Variants in PTPRD observed in about 807,000 individuals in gnomAD.
PTPRD encodes protein tyrosine phosphatase receptor type D, also known as receptor-type tyrosine-protein phosphatase delta.
PTPRD carries 34 observed loss-of-function variants against 214.5 expected under a neutral mutation model. The ratio of observed to expected loss-of-function variants is 0.16; its 90% CI spans 0.12 to 0.21. The LOEUF is 0.21. Among genes scored for constraint, PTPRD ranks in the 10% least tolerant of loss-of-function variants. The pLI is 1.00. For synonymous variants in PTPRD, 1,128 were observed against 845.7 expected, an observed-to-expected ratio of 1.33 and a Z score of -5.79; for missense variants, 2,545 against 2,398.7, an observed-to-expected ratio of 1.06 and a Z score of -1.27.
chr9:9,670,006 G>T (rs751688152), intron 7 of PTPRD, among the ~76,000 whole-genome samples: 2 of 152,010 alleles, frequency 1.3e-5, no homozygotes, highest in Non-Finnish European at 2.9e-5. Context: ...CATTTTATCA[G>T]ATACAATGAG....
At chr9:9,028,829 G>T (rs762979227) in intron 10 of PTPRD, among the ~76,000 whole-genome samples, 1 of 151,882 alleles carries the variant, frequency 6.6e-6, no homozygotes, top group African/African-American at 2.4e-5. Context: ...GTTTGCCCAG[G>T]CGAGTTAGAA....
chr9:10,156,078 TTGTGTGTGTG>T lies in PTPRD; in HGVS notation c.-544-122298_-544-122289del, dbSNP rs71485323. The stretch of plus-strand genomic sequence containing the variant: ...ATGGATTTTTTGCTCTTTTGAATGT[TTGTGTGTGTG>T]TGTGTGTGTGTGTGTGTGTGTGTGT... On this transcript the variant is annotated intron_variant, in intron 3 of 45. Transcript: ENST00000381196. 4.3e-3 allele frequency among the ~76,000 whole-genome samples: 573 copies of T among 132,618 alleles called. 2 individuals are homozygous for T. Among genetic ancestry groups the T allele is most frequent in the Middle Eastern group, 0.019 (5 of 262 alleles). 87.0% of individuals were successfully genotyped at this position (132,618 alleles called of 152,430 possible).
chr9:9,095,852 G>C (rs2154434751), intron 10 of PTPRD, among the ~76,000 whole-genome samples: 1 of 152,234 alleles, frequency 6.6e-6, no homozygotes, highest in African/African-American at 2.4e-5. Flanking sequence ...GAAACAACCT[G>C]TCCATTGATG....
intron 14 of PTPRD, among the ~76,000 whole-genome samples, chr9:8,632,129 G>C (rs555735500): frequency 6.8e-6 from 1 of 146,120 alleles, no homozygotes; most frequent in South Asian, 2.2e-4. Flanking sequence ...CTTTGTGTGT[G>C]TGTGTGTGTG....
intron 7 of PTPRD, 122 bp downstream of exon 7, chr9:9,734,411 G>C (rs1434605812): frequency 6.6e-6 from 1 of 151,600 alleles, no homozygotes. Flanking sequence ...AGATGGAAAT[G>C]AGGGGAGATT....
intron 8 of PTPRD, among the ~76,000 whole-genome samples, chr9:9,479,875 G>A (rs572054207): frequency 6.6e-6 from 1 of 152,076 alleles, no homozygotes; most frequent in Non-Finnish European, 1.5e-5. Flanking sequence ...ATGGCTGCAG[G>A]CTTATAGAAA....
intron 2 of PTPRD, among the ~76,000 whole-genome samples, chr9:10,608,016 A>G (rs1484664816): frequency 6.6e-6 from 1 of 151,988 alleles, no homozygotes; most frequent in Non-Finnish European, 1.5e-5. Context: ...TATTCAACCA[A>G]CTTTGATATC....
chr9:8,890,091 T>C (rs1222903975), intron 11 of PTPRD, among the ~76,000 whole-genome samples: 1 of 152,206 alleles, frequency 6.6e-6, no homozygotes, highest in African/African-American at 2.4e-5. Context: ...TGTAAAAGTG[T>C]TCCCTTTTCA....
At chr9:9,483,268 C>T (rs535042020) in intron 8 of PTPRD, among the ~76,000 whole-genome samples, 1 of 152,272 alleles carries the variant, frequency 6.6e-6, no homozygotes, top group Middle Eastern at 3.4e-3. Context: ...CACCACATTG[C>T]TTTCCCCATC....
intron 3 of PTPRD, among the ~76,000 whole-genome samples, chr9:10,061,746 C>G (rs760758776): frequency 6.6e-6 from 1 of 151,976 alleles, no homozygotes; most frequent in Non-Finnish European, 1.5e-5. Flanking sequence ...TAGTTTAGGG[C>G]TGCGGAATAG....
intron 7 of PTPRD, among the ~76,000 whole-genome samples, chr9:9,714,535 T>A (rs1034397368): frequency 1.3e-5 from 2 of 152,234 alleles, no homozygotes; most frequent in African/African-American, 4.8e-5. Context: ...TACTCAGTAA[T>A]GTAATTCAGA....
intron 45 of PTPRD, among the ~76,000 whole-genome samples, chr9:8,319,002 C>T (rs1824538348): frequency 6.6e-6 from 1 of 152,036 alleles, no homozygotes; most frequent in Non-Finnish European, 1.5e-5. Context: ...CCTATCTTGT[C>T]ACAGTAAGTT....
intron 4 of PTPRD, among the ~76,000 whole-genome samples, chr9:9,950,768 G>GAAAAT (rs2093379812): frequency 8.7e-6 from 1 of 115,142 alleles, no homozygotes. Flanking sequence ...AAAGAAGAAA[G>GAAAAT]TGGAAGATCA....
chr9:8,766,780 A>G (rs1025426609), intron 11 of PTPRD, among the ~76,000 whole-genome samples: 2 of 152,208 alleles, frequency 1.3e-5, no homozygotes, highest in African/African-American at 4.8e-5. Flanking sequence ...ATGTATATAA[A>G]GCTCACATTA....
At chr9:8,415,198 A>G (rs986252040) in intron 35 of PTPRD, among the ~76,000 whole-genome samples, 1 of 152,186 alleles carries the variant, frequency 6.6e-6, no homozygotes, top group African/African-American at 2.4e-5. Flanking sequence ...TGCTGCACAC[A>G]AGAGAGAAAA....
At chr9:10,387,574 C>G (rs746643221) in intron 2 of PTPRD, among the ~76,000 whole-genome samples, 3 of 151,736 alleles carry the variant, frequency 2.0e-5, no homozygotes, top group Non-Finnish European at 4.4e-5. Flanking sequence ...TCCACTTCAC[C>G]AGGTCTTCTC....
intron 2 of PTPRD, among the ~76,000 whole-genome samples, chr9:10,512,867 G>A (rs1264186058): frequency 6.6e-6 from 1 of 151,366 alleles, no homozygotes; most frequent in Non-Finnish European, 1.5e-5. Context: ...TTGCACTGGA[G>A]TTGAAACTGT....
chr9:9,445,372 T>G (rs567282953), intron 8 of PTPRD, among the ~76,000 whole-genome samples: 1 of 152,324 alleles, frequency 6.6e-6, no homozygotes, highest in Non-Finnish European at 1.5e-5. Context: ...TCTTCCTTTT[T>G]ACATTTCTTT....
At chr9:9,555,564 A>G (rs1206877826) in intron 8 of PTPRD, among the ~76,000 whole-genome samples, 1 of 152,064 alleles carries the variant, frequency 6.6e-6, no homozygotes, top group African/African-American at 2.4e-5. Context: ...ATTCAGCATT[A>G]TTGTAGGATG....
Sources: gnomAD v4.1 joint callset for allele counts (sites outside exome capture counted in the v4.1 genomes callset) on GRCh38, gnomAD v4.1.1 for gene constraint, MANE v1.5 for transcripts, NCBI Gene and HGNC (gene_info 2026-07-23, HGNC 2026-07-21) for gene names.